Variants in ATP9A observed in about 807,000 individuals in gnomAD.
The protein encoded by ATP9A is ATPase phospholipid transporting 9A, also known as probable phospholipid-transporting ATPase IIA.
Under a neutral mutation model 144.1 loss-of-function variants are expected in ATP9A, and 52 were observed. That is an observed-to-expected ratio of 0.36 (90% confidence interval 0.29 to 0.45). The LOEUF is 0.45. Among genes scored for constraint, ATP9A ranks in the 20% least tolerant of loss-of-function variants. The probability of loss-of-function intolerance (pLI) is 1.00; values close to 1 mark genes in which losing one functional copy is unlikely to be tolerated. For missense variants in ATP9A, 947 were observed against 1,392.7 expected, an observed-to-expected ratio of 0.68 and a Z score of 5.09; for synonymous variants, 582 against 557.4, an observed-to-expected ratio of 1.04 and a Z score of -0.62.
At chr20:51,719,527 G>A (rs1395480461) in intron 3 of ATP9A, among the ~76,000 whole-genome samples, 2 of 151,936 alleles carry the variant, frequency 1.3e-5, no homozygotes, top group African/African-American at 2.4e-5. Flanking sequence ...GAGGTCAAGA[G>A]ATCAAGACCA....
chr20:51,705,253 T>G (rs2122839785), intron 4 of ATP9A, among the ~76,000 whole-genome samples: 1 of 152,306 alleles, frequency 6.6e-6, no homozygotes, highest in African/African-American at 2.4e-5. Flanking sequence ...GGTCTTGAAA[T>G]TTAAGTCACA....
At chr20:51,622,608 C>G (rs750087428) in intron 18 of ATP9A, among the ~76,000 whole-genome samples, 2 of 152,174 alleles carry the variant, frequency 1.3e-5, no homozygotes, top group Non-Finnish European at 2.9e-5. Flanking sequence ...AAGACAGACC[C>G]TTCTGGGGTT....
At chr20:51,766,839 CAAT>C (rs763147791) in intron 1 of ATP9A, among the ~76,000 whole-genome samples, 35 of 151,740 alleles carry the variant, frequency 2.3e-4, no homozygotes, top group African/African-American at 8.0e-4. Flanking sequence ...GACTCCGTCT[CAAT>C]AATAATAATA....
At chr20:51,604,771 A>G (rs2077156608) in intron 27 of ATP9A, 46 bp downstream of exon 27, 2 of 1,421,356 alleles carry the variant, frequency 1.4e-6, no homozygotes, top group East Asian at 5.4e-5. Flanking sequence ...TCTGGGCCAG[A>G]TTCACTGGGG....
chr20:51,618,871 T>C (rs2077214445), intron 20 of ATP9A, 65 bp from the exon 21 acceptor site: 1 of 1,586,190 alleles, frequency 6.3e-7, no homozygotes, highest in Non-Finnish European at 8.6e-7. Flanking sequence ...TGGAGGTCGC[T>C]GCCGAGCCTG....
intron 1 of ATP9A, among the ~76,000 whole-genome samples, chr20:51,740,480 C>T (rs1412718438): frequency 3.3e-4 from 1 of 3,012 alleles, no homozygotes; most frequent in Non-Finnish European, 5.9e-4. Context: ...GAGGTCAAGG[C>T]GGGTGGATTA....
In ATP9A at chr20:51,605,101, G is replaced by A. The variant is rs561714269; in HGVS notation, c.2804-81C>T. ...GCTCGCCTACACCTGGCTCCTTTCC[G>A]CAGTTTTCATTTAGACATGAAAGGC... On this transcript the variant is annotated intron_variant, in intron 26 of 27. Coordinates refer to ENST00000338821, the MANE Select transcript of ATP9A (RefSeq NM_006045.3). The A allele has an allele frequency of 2.0e-5, 26 of 1,282,060 alleles. No individual in the cohort carries two copies. The East Asian group carries it at 2.6e-4, about 13-fold the overall frequency. 79.4% of individuals were successfully genotyped at this position (1,282,060 alleles called of 1,614,324 possible).
At chr20:51,656,535 A>C (rs1334196804) in intron 14 of ATP9A, among the ~76,000 whole-genome samples, 1 of 152,216 alleles carries the variant, frequency 6.6e-6, no homozygotes. Context: ...CCTGGGCAAA[A>C]GAGTGAGACT....
rs2077183148 is a variant in ATP9A at position 51,611,028 on chromosome 20, C to A, written c.2572-863G>T. Among the ~76,000 whole-genome samples the A allele has an allele frequency of 6.6e-6, 1 of 152,114 alleles. No individual in the cohort carries two copies. The highest frequency in any genetic ancestry group is 2.1e-4 in the South Asian group (1 of 4,818). On this transcript the variant is annotated intron_variant, in intron 23 of 27. Transcript: ENST00000338821. The surrounding 1 kb of genome is among the most constrained non-coding windows in gnomAD (Gnocchi z 4.2). ...AGCTCCATCTCTGGACCTCTATGGG[C>A]TAACAGAGGAAACACGGTCTCCAAG...
chr20:51,619,029 C>G lies in ATP9A; in HGVS notation c.2130G>C (p.Gly710=). ...AGGCGTTCAGCTCGAGGTGAGCCTC[C>G]CCGCGGTTGGTCACCTGGAAGGGAA... is the stretch of plus-strand genomic sequence containing the variant. ...IHVFRLVTNR[G]EAHLELNAFR... Residue 710 remains glycine, a synonymous_variant, in exon 20 of 28, where the codon GGG becomes GGC. Coordinates refer to ENST00000338821, the MANE Select transcript of ATP9A (RefSeq NM_006045.3). 1 of 1,614,068 alleles carries G rather than the reference C, an allele frequency of 6.2e-7. No homozygotes were observed. Among genetic ancestry groups the G allele is most frequent in the Non-Finnish European group, 8.5e-7 (1 of 1,179,992 alleles).
chr20:51,662,774 T>G (rs1226474678), intron 13 of ATP9A, among the ~76,000 whole-genome samples: 1 of 151,810 alleles, frequency 6.6e-6, no homozygotes, highest in Admixed American at 6.6e-5. Context: ...CAATAAAGAT[T>G]TTTTAAAATA....
chr20:51,658,022 T>A (rs1003219254), intron 13 of ATP9A, among the ~76,000 whole-genome samples: 26 of 152,150 alleles, frequency 1.7e-4, no homozygotes, highest in African/African-American at 5.8e-4. Flanking sequence ...CAGGAATGGG[T>A]TAAGTCTTGG....
chr20:51,615,362 A>G (rs1220032953), intron 22 of ATP9A, among the ~76,000 whole-genome samples: 5 of 152,232 alleles, frequency 3.3e-5, no homozygotes, highest in Non-Finnish European at 7.3e-5. Flanking sequence ...AGTCAGAGTA[A>G]GAAGTGATGG....
intron 2 of ATP9A, among the ~76,000 whole-genome samples, chr20:51,726,645 C>G (rs915876282): frequency 2.0e-5 from 3 of 152,054 alleles, no homozygotes; most frequent in African/African-American, 7.2e-5. Context: ...GTGGCGTGAT[C>G]GTAGCTCACT....
intron 9 of ATP9A, among the ~76,000 whole-genome samples, chr20:51,686,365 T>TAAA (rs59119648): frequency 6.9e-6 from 1 of 145,640 alleles, no homozygotes; most frequent in East Asian, 2.0e-4. Context: ...AAAGTATAAT[T>TAAA]AAAAAAAAAA....
intron 9 of ATP9A, among the ~76,000 whole-genome samples, chr20:51,678,528 C>CG (rs1331006207): frequency 5.3e-5 from 8 of 152,294 alleles, no homozygotes; most frequent in Admixed American, 5.2e-4. Context: ...AGGAGGCTCC[C>CG]GGCAGATGGC....
chr20:51,639,230 C>G lies in ATP9A; in HGVS notation c.1668+113G>C, dbSNP rs939930989. The G allele has an allele frequency of 3.4e-5, 40 of 1,173,262 alleles. No homozygotes were observed. The African/African-American group carries it at 5.4e-4, about 16-fold the overall frequency. The allele number at this position is 1,173,262 out of a possible 1,614,324, so 72.7% of individuals were successfully genotyped here. A position where few individuals can be genotyped will look rare whatever the true frequency, so the allele number is the denominator to read the frequency against. On this transcript the variant is annotated intron_variant, in intron 15 of 27. Transcript: ENST00000338821. ...TAGGGAATTATATTCCCTTGTTAGT[C>G]TGGGTGACAGATACCACAGTAAAGA...
At position 51,697,349 on chromosome 20, in the gene ATP9A, G is replaced by A. The variant is rs567604883; in HGVS notation, c.495+75C>T. ...AATCCCAAAATTCAACATTCACTTC[G>A]TCTACCAGATACACAAATGACACAT... On this transcript the variant is annotated intron_variant, in intron 5 of 27. Coordinates refer to ENST00000338821, the MANE Select transcript of ATP9A (RefSeq NM_006045.3). 189 of 1,408,120 alleles carry A rather than the reference G, an allele frequency of 1.3e-4. No individual in the cohort carries two copies. The African/African-American group carries it at 1.9e-3, about 14-fold the overall frequency. The allele number at this position is 1,408,120 out of a possible 1,614,324, so 87.2% of individuals were successfully genotyped here. A position where few individuals can be genotyped will look rare whatever the true frequency, so the allele number is the denominator to read the frequency against.
intron 1 of ATP9A, among the ~76,000 whole-genome samples, chr20:51,761,169 G>A (rs1449121899): frequency 6.6e-6 from 1 of 152,226 alleles, no homozygotes; most frequent in Non-Finnish European, 1.5e-5. Context: ...AAGGGCCATT[G>A]TGCAGCATGA....
Sources: gnomAD v4.1 joint callset for allele counts (sites outside exome capture counted in the v4.1 genomes callset) on GRCh38, gnomAD v4.1.1 for gene constraint, Gnocchi (gnomAD v3.1) non-coding constraint, MANE v1.5 for transcripts, NCBI Gene and HGNC (gene_info 2026-07-23, HGNC 2026-07-21) for gene names.